The following ANO6 variants were observed in gnomAD, a reference collection of about 807,000 sequenced individuals.
ANO6 encodes anoctamin-6.
In ANO6, 106 loss-of-function variants were observed where a neutral mutation model predicts 117.5. The ratio of observed to expected loss-of-function variants is 0.90; its 90% CI spans 0.77 to 1.06. The LOEUF (loss-of-function observed/expected upper bound fraction) is 1.06, where lower values mean the gene tolerates loss of function less well. Among genes scored for constraint, ANO6 ranks in the 50% least tolerant of loss-of-function variants. The pLI is 0.00. For missense variants in ANO6, 955 were observed against 1,121.1 expected, an observed-to-expected ratio of 0.85 and a Z score of 2.12; for synonymous variants, 367 against 385.1, an observed-to-expected ratio of 0.95 and a Z score of 0.55.
intron 1 of ANO6, among the ~76,000 whole-genome samples, chr12:45,301,136 A>T (rs1295757606): frequency 1.3e-5 from 2 of 152,262 alleles, no homozygotes; most frequent in African/African-American, 2.4e-5. Context: ...CAAAAGAGGT[A>T]AAATATTTCA....
chr12:45,401,868 A>G lies in ANO6; in HGVS notation c.1460A>G (p.Lys487Arg). The G allele has an allele frequency of 6.2e-7, 1 of 1,613,954 alleles. No homozygotes were observed. The highest frequency in any genetic ancestry group is 8.5e-7 in the Non-Finnish European group (1 of 1,179,970). Residue 487 changes from lysine (K) to arginine (R), a missense_variant, in exon 13 of 20, where the codon AAA (lysine) becomes AGA (arginine). Physicochemically the swap from Lys to Arg is conservative, Grantham distance 26 (BLOSUM62 2). Coordinates refer to ENST00000320560, the MANE Select transcript of ANO6 (RefSeq NM_001025356.3). ...RLSVFIVFSA[K>R]LPKNINGTDP... ...TCGGTGTTCATTGTATTTTCTGCAA[A>G]ACTTCCCAAGAACATTAATGGAACA...
chr12:45,274,361 T>C (rs1233488717), intron 1 of ANO6, among the ~76,000 whole-genome samples: 1 of 152,184 alleles, frequency 6.6e-6, no homozygotes, highest in African/African-American at 2.4e-5. Flanking sequence ...GAGTCTATAC[T>C]TCCTCCATTG....
intron 1 of ANO6, among the ~76,000 whole-genome samples, chr12:45,234,690 G>C (rs934201487): frequency 6.6e-6 from 1 of 152,114 alleles, no homozygotes; most frequent in Non-Finnish European, 1.5e-5. Context: ...CAGGCTTTAG[G>C]CTCTCACTGA....
intron 2 of ANO6, among the ~76,000 whole-genome samples, chr12:45,322,270 C>T (rs888564169): frequency 4.8e-5 from 6 of 124,350 alleles, no homozygotes; most frequent in Non-Finnish European, 8.8e-5. Context: ...TGAGCTGGAC[C>T]TTAAAGGAGA....
At chr12:45,307,136 G>T (rs1399517965) in intron 2 of ANO6, among the ~76,000 whole-genome samples, 1 of 152,084 alleles carries the variant, frequency 6.6e-6, no homozygotes, top group Non-Finnish European at 1.5e-5. Context: ...GTCATTTGAG[G>T]GTGAGCCTTT....
intron 2 of ANO6, among the ~76,000 whole-genome samples, chr12:45,313,726 G>A (rs1361009934): frequency 3.9e-5 from 6 of 151,936 alleles, no homozygotes; most frequent in Non-Finnish European, 7.4e-5. Flanking sequence ...AAGAGGTTGA[G>A]AGTTAATCAT....
At chr12:45,391,328 A>T (rs1942444291) in intron 12 of ANO6, among the ~76,000 whole-genome samples, 1 of 152,196 alleles carries the variant, frequency 6.6e-6, no homozygotes, top group Admixed American at 6.5e-5. Flanking sequence ...TTAGTGATGT[A>T]ATAATTTAGT....
At chr12:45,229,244 G>A (rs571528404) in intron 1 of ANO6, among the ~76,000 whole-genome samples, 12 of 152,292 alleles carry the variant, frequency 7.9e-5, no homozygotes, top group African/African-American at 2.9e-4. Context: ...GGTGTGGACA[G>A]GCACCCTGCT....
intron 1 of ANO6, among the ~76,000 whole-genome samples, chr12:45,242,519 T>A (rs1036989318): frequency 3.3e-5 from 5 of 152,224 alleles, no homozygotes; most frequent in Non-Finnish European, 5.9e-5. Flanking sequence ...CCCCGACCCC[T>A]TGTGCTTCCT....
intron 1 of ANO6, among the ~76,000 whole-genome samples, chr12:45,291,368 A>C (rs1001272875): frequency 6.6e-6 from 1 of 150,866 alleles, no homozygotes; most frequent in Non-Finnish European, 1.5e-5. Context: ...AAAAAAAAAA[A>C]ACACAAAGGA....
At chr12:45,368,954 G>GC (rs772748584) in intron 9 of ANO6, among the ~76,000 whole-genome samples, 136 of 152,188 alleles carry the variant, frequency 8.9e-4, no homozygotes, top group Non-Finnish European at 1.7e-3. Context: ...CAAATAACCT[G>GC]CCCAAAGTCA....
intron 3 of ANO6, among the ~76,000 whole-genome samples, chr12:45,334,825 T>C (rs1224957080): frequency 6.6e-6 from 1 of 152,050 alleles, no homozygotes; most frequent in African/African-American, 2.4e-5. Context: ...ATAAAACAAA[T>C]TCCCATATAT....
intron 9 of ANO6, among the ~76,000 whole-genome samples, chr12:45,374,187 G>T (rs1047272976): frequency 2.3e-5 from 3 of 132,632 alleles, no homozygotes; most frequent in African/African-American, 8.8e-5. Flanking sequence ...CCAATAACAG[G>T]ATCTGAAATT....
intron 9 of ANO6, among the ~76,000 whole-genome samples, chr12:45,372,399 C>T (rs1941869620): frequency 7.1e-6 from 1 of 141,484 alleles, no homozygotes; most frequent in Non-Finnish European, 1.5e-5. Context: ...AACTCCAAGA[C>T]ACATAATTGT....
chr12:45,293,045 CT>C lies in ANO6; in HGVS notation c.71-8967del, dbSNP rs1199319367. 3 of 1,435,420 alleles carry C rather than the reference CT, an allele frequency of 2.1e-6. No homozygotes were observed. The African/African-American group carries it at 4.3e-5, about 21-fold the overall frequency. 88.9% of individuals were successfully genotyped at this position (1,435,420 alleles called of 1,614,324 possible). Reference sequence around the variant, plus strand: ...TCCAAATATTTGATGAGTATTTGGTCTTGAAGGGACACTGTATTATTAGTCT... The same window carrying C: ...TCCAAATATTTGATGAGTATTTGGTCTGAAGGGACACTGTATTATTAGTCT... On this transcript the variant is annotated intron_variant, in intron 1 of 19. Coordinates refer to ENST00000320560, the MANE Select transcript of ANO6 (RefSeq NM_001025356.3).
In ANO6 at chr12:45,240,285, C is replaced by T. The variant is rs185807550; in HGVS notation, c.70+23894C>T. On this transcript the variant is annotated intron_variant, in intron 1 of 19. Transcript: ENST00000320560. ...CCCTTTACCATTATGTAATGGCTTTCTTTGTCTCTTTTGATCTTTGTTCGT... is the reference window on the plus strand; with the variant it reads ...CCCTTTACCATTATGTAATGGCTTTTTTTGTCTCTTTTGATCTTTGTTCGT... Among the ~76,000 whole-genome samples, 7 of 134,242 alleles carry T rather than the reference C, an allele frequency of 5.2e-5. No homozygotes were observed. In the South Asian group the frequency reaches 1.8e-3, roughly 35 times the overall value. 88.1% of individuals were successfully genotyped at this position (134,242 alleles called of 152,430 possible).
intron 7 of ANO6, among the ~76,000 whole-genome samples, chr12:45,351,883 C>CAA (rs10628346): frequency 0.99 from 149,970 of 152,208 alleles, 73,930 homozygotes; most frequent in Middle Eastern, 1. Flanking sequence ...TCACGTTTTG[C>CAA]AGATAATGTG....
At chr12:45,291,483 A>T (rs1939099046) in intron 1 of ANO6, among the ~76,000 whole-genome samples, 1 of 152,102 alleles carries the variant, frequency 6.6e-6, no homozygotes. Context: ...AAAATTAAAA[A>T]TTTTTGTGCA....
At chr12:45,237,482 T>C (rs1565637209) in intron 1 of ANO6, among the ~76,000 whole-genome samples, 1 of 152,250 alleles carries the variant, frequency 6.6e-6, no homozygotes, top group Non-Finnish European at 1.5e-5. Flanking sequence ...AAATAAGGAA[T>C]CCTTTCCCCA....
Sources: allele counts gnomAD v4.1 joint callset (sites outside exome capture counted in the v4.1 genomes callset), GRCh38; gene constraint gnomAD v4.1.1; transcripts MANE v1.5; gene names NCBI Gene and HGNC (gene_info 2026-07-23, HGNC 2026-07-21).